Variants in MDN1 observed in about 807,000 individuals in gnomAD.
MDN1 encodes midasin.
Under a neutral mutation model 669.2 loss-of-function variants are expected in MDN1, and 266 were observed. That is an observed-to-expected ratio of 0.40 (90% CI 0.36 to 0.44). The LOEUF is 0.44. MDN1 is among the 20% of genes least tolerant of loss of function. The pLI is 1.00. For missense variants in MDN1, 5,940 were observed against 6,754.0 expected (o/e 0.88, Z 4.22); for synonymous variants, 2,385 against 2,457.1 (o/e 0.97, Z 0.87).
At position 89,647,906 on chromosome 6, in the gene MDN1, T is replaced by C. The variant is rs1248843443; in HGVS notation, c.16395+126A>G. The C allele has an allele frequency of 5.6e-6, 4 of 715,502 alleles. No individual in the cohort carries two copies. In the East Asian group the frequency reaches 1.1e-4, roughly 19 times the overall value. The allele number at this position is 715,502 out of a possible 1,614,324, so 44.3% of individuals were successfully genotyped here. A position where few individuals can be genotyped will look rare whatever the true frequency, so the allele number is the denominator to read the frequency against. Reference sequence around the variant, plus strand: ...AGTTCGAAGCTATAGTGAGCTATGATGGCGCCATTGTACTCTAGCCTGGGT... The same window carrying C: ...AGTTCGAAGCTATAGTGAGCTATGACGGCGCCATTGTACTCTAGCCTGGGT... On this transcript the variant is annotated intron_variant, in intron 99 of 101. Transcript: ENST00000369393.
intron 11 of MDN1, among the ~76,000 whole-genome samples, chr6:89,777,759 C>T (rs1818428122): frequency 6.6e-6 from 1 of 152,110 alleles, no homozygotes; most frequent in Admixed American, 6.5e-5. Context: ...GACTCAGTTA[C>T]CCCACCCAGA....
At chr6:89,764,220 T>G (rs759617647) in intron 15 of MDN1, among the ~76,000 whole-genome samples, 3 of 152,138 alleles carry the variant, frequency 2.0e-5, no homozygotes, top group Non-Finnish European at 2.9e-5. Context: ...CATCCCTTTA[T>G]AAAAATTTTT....
chr6:89,803,890 C>CTTTCTTTTG (rs377468650), intron 1 of MDN1, among the ~76,000 whole-genome samples: 1 of 93,224 alleles, frequency 1.1e-5, no homozygotes, highest in Non-Finnish European at 2.0e-5. Context: ...CTTTTCTTTT[C>CTTTCTTTTG]TTTTCTTTTT....
chr6:89,676,841 T>C (rs1213029757), intron 76 of MDN1, among the ~76,000 whole-genome samples: 1 of 152,174 alleles, frequency 6.6e-6, no homozygotes, highest in East Asian at 1.9e-4. Context: ...CTCTGCTGTG[T>C]TGTAAACAGA....
chr6:89,671,044 C>T lies in MDN1; in HGVS notation c.13831G>A (p.Val4611Met). 6.2e-7 allele frequency: 1 copy of T among 1,614,010 alleles called. No homozygotes were observed. Among genetic ancestry groups the T allele is most frequent in the Non-Finnish European group, 8.5e-7 (1 of 1,179,998 alleles). ...TCTGAGTAGCTGGAGAGGACCGGCA[C>T]CAGGCGCACCAGCAAGGAACAGGAT... ...SQSCSLLVRLVPVLSSYSDLV... is the reference protein window; with the variant it reads ...SQSCSLLVRLMPVLSSYSDLV... The change falls in exon 83 of 102, where the codon GTG (valine) becomes ATG (methionine). Residue 4611 changes from valine (V) to methionine (M), a missense_variant. Physicochemically the swap from Val to Met is conservative, Grantham distance 21. Around this residue, in one of 5 missense-constraint regions of MDN1, gnomAD observed 2,280 missense variants for 2,576.3 expected, o/e 0.88. Coordinates refer to ENST00000369393, the MANE Select transcript of MDN1 (RefSeq NM_014611.3).
At chr6:89,705,468 T>A (rs913384163) in intron 53 of MDN1, among the ~76,000 whole-genome samples, 1 of 152,172 alleles carries the variant, frequency 6.6e-6, no homozygotes, top group Non-Finnish European at 1.5e-5. Context: ...TAAGAGGACT[T>A]AAGTGGATTA....
intron 83 of MDN1, among the ~76,000 whole-genome samples, chr6:89,670,436 C>G (rs1038023551): frequency 6.6e-6 from 1 of 151,846 alleles, no homozygotes; most frequent in Middle Eastern, 3.4e-3. Context: ...CCTCAGCCTC[C>G]CAAACTGCTG....
chr6:89,745,024 G>T (rs1337812998), intron 29 of MDN1, among the ~76,000 whole-genome samples: 9 of 146,562 alleles, frequency 6.1e-5, no homozygotes, highest in African/African-American at 2.3e-4. Context: ...TATTACATAG[G>T]TATACATGTG....
In MDN1 at chr6:89,655,775, G is replaced by T. The variant is rs747177619; in HGVS notation, c.15479C>A (p.Ala5160Glu). Reference sequence around the variant, plus strand: ...TCCCAGGACCGTACCATAGGTCTGTGCATCGTATGCGTCACTGCCTTGTTT... The same window carrying T: ...TCCCAGGACCGTACCATAGGTCTGTTCATCGTATGCGTCACTGCCTTGTTT... ...HIKQGSDAYD[A>E]QTYDVASKEQ... The change falls in exon 92 of 102, where the codon GCA becomes GAA. Residue 5160 changes from alanine (A) to glutamate (E), a missense_variant. Physicochemically the swap from Ala to Glu is moderately radical, Grantham distance 107 (BLOSUM62 -1). Coordinates refer to ENST00000369393, the MANE Select transcript of MDN1 (RefSeq NM_014611.3). 1 of 1,606,222 alleles carries T rather than the reference G, an allele frequency of 6.2e-7. No homozygotes were observed. The highest frequency in any genetic ancestry group is 1.1e-5 in the South Asian group (1 of 89,472).
At position 89,695,784 on chromosome 6, in the gene MDN1, G is replaced by C; in HGVS notation, c.9592C>G (p.Leu3198Val). 1 of 1,613,630 alleles carries C rather than the reference G, an allele frequency of 6.2e-7. No homozygotes were observed. The highest frequency in any genetic ancestry group is 8.5e-7 in the Non-Finnish European group (1 of 1,179,920). ...CCAACAAAGTGGTGCAGGGAGGTGA[G>C]CAACTGGCAGAGCAGTTCCTTGGGC... The part of the protein sequence containing the change: ...VLPKELLCQL[L>V]TSLHHFVGEG... Residue 3198 changes from leucine (L) to valine (V), a missense_variant, in exon 61 of 102, where the codon CTC becomes GTC. Leu to Val is a conservative substitution (Grantham distance 32). Coordinates refer to ENST00000369393, the MANE Select transcript of MDN1 (RefSeq NM_014611.3). This position sits in a 1 kb window ranked among gnomAD's most constrained non-coding sequence, Gnocchi z 4.1.
At chr6:89,774,512 T>C (rs1026321619) in intron 13 of MDN1, 109 bp downstream of exon 13, 1 of 761,052 alleles carries the variant, frequency 1.3e-6, no homozygotes, top group African/African-American at 1.8e-5. Context: ...ATACTACAGA[T>C]ATCACAGTTC....
chr6:89,812,089 A>G (rs557212691), intron 1 of MDN1, among the ~76,000 whole-genome samples: 7 of 151,432 alleles, frequency 4.6e-5, no homozygotes, highest in South Asian at 4.2e-4. Flanking sequence ...GGGTTCAAGC[A>G]ATTCTCCTGC....
chr6:89,690,854 A>AT lies in MDN1; in HGVS notation c.10588-21_10588-20insA. The stretch of plus-strand genomic sequence containing the variant: ...GATTTCCTGAAAGTCACACAGACAG[A>AT]AAGAAGCTGAGCTTTCTTTGCTGAG... On this transcript the variant is annotated intron_variant, in intron 63 of 101. Coordinates refer to ENST00000369393, the MANE Select transcript of MDN1 (RefSeq NM_014611.3). 6.2e-7 allele frequency: 1 copy of AT among 1,611,344 alleles called. No individual in the cohort carries two copies. The highest frequency in any genetic ancestry group is 8.5e-7 in the Non-Finnish European group (1 of 1,178,762).
chr6:89,706,915 T>C (rs1485771913), intron 52 of MDN1, among the ~76,000 whole-genome samples: 5 of 152,146 alleles, frequency 3.3e-5, no homozygotes, highest in Admixed American at 3.3e-4. Flanking sequence ...GTTTGAATTT[T>C]TTCCAACAAG....
chr6:89,662,476 G>T (rs575786686), intron 86 of MDN1, among the ~76,000 whole-genome samples: 47 of 152,264 alleles, frequency 3.1e-4, no homozygotes, highest in Admixed American at 2.7e-3. Flanking sequence ...CTGGGCTGTT[G>T]CAGTGTTACA....
rs770233303 is a variant in MDN1 at position 89,701,939 on chromosome 6, G to A, written c.8271C>T (p.His2757=). 6.2e-7 allele frequency: 1 copy of A among 1,613,546 alleles called. No individual in the cohort carries two copies. The highest frequency in any genetic ancestry group is 1.1e-5 in the South Asian group (1 of 90,982). The change falls in exon 54 of 102, where the codon CAC becomes CAT. Residue 2757 remains histidine, a synonymous_variant. Coordinates refer to ENST00000369393, the MANE Select transcript of MDN1 (RefSeq NM_014611.3). ...HWHWVLKHLV[H]QIPRLLMNYE... The stretch of plus-strand genomic sequence containing the variant: ...AATTCATCAGAAGTCGGGGGATCTG[G>A]TGGACCAGATGTTTTAAAACCCAGT...
intron 1 of MDN1, among the ~76,000 whole-genome samples, chr6:89,805,545 C>T (rs1184374727): frequency 6.6e-6 from 1 of 151,986 alleles, no homozygotes; most frequent in Non-Finnish European, 1.5e-5. Context: ...GCCCTGTCTC[C>T]CCCCACAACA....
Position 89,725,543 on chromosome 6 carries a change from C to T in MDN1, c.5473-147G>A, listed in dbSNP as rs1040840297. On this transcript the variant is annotated intron_variant, in intron 37 of 101. Transcript: ENST00000369393. ...TATTGATAACCTTCTGTATTTTTGG[C>T]TGAGTTATGGTTGGTTTGTCTTCAT... 8.0e-6 allele frequency: 6 copies of T among 748,586 alleles called. No homozygotes were observed. The African/African-American group carries it at 1.1e-4, about 13-fold the overall frequency. The allele number at this position is 748,586 out of a possible 1,614,324, so 46.4% of individuals were successfully genotyped here. A position where few individuals can be genotyped will look rare whatever the true frequency, so the allele number is the denominator to read the frequency against.
chr6:89,675,660 C>CGTAG, intron 77 of MDN1, 81 bp from the exon 78 acceptor site: 4 of 1,180,570 alleles, frequency 3.4e-6, no homozygotes, highest in Non-Finnish European at 2.5e-6. Context: ...GCTGTTTCTA[C>CGTAG]TATAAGCGTC....
Sources: gnomAD v4.1 joint callset for allele counts (sites outside exome capture counted in the v4.1 genomes callset) on GRCh38, gnomAD v4.1.1 for gene constraint, gnomAD v4.1.1 regional missense constraint, Gnocchi (gnomAD v3.1) non-coding constraint, MANE v1.5 for transcripts, NCBI Gene and HGNC (gene_info 2026-07-23, HGNC 2026-07-21) for gene names.